Variants in SLC25A33 observed in about 807,000 individuals in gnomAD.
SLC25A33 encodes the protein solute carrier family 25 member 33, also known as bone marrow stromal cell mitochondrial carrier protein.
Under a neutral mutation model 35.5 loss-of-function variants are expected in SLC25A33, and 15 were observed. That is an observed-to-expected ratio of 0.42 (90% CI 0.28 to 0.65). The LOEUF is 0.65. Ranked by LOEUF, SLC25A33 falls within the 30% of genes least tolerant of loss-of-function variation. The pLI, the probability that SLC25A33 is intolerant of heterozygous loss-of-function variation, is 0.20. For synonymous variants in SLC25A33, 136 were observed against 148.7 expected, an observed-to-expected ratio of 0.91 and a Z score of 0.62; for missense variants, 257 against 398.5, an observed-to-expected ratio of 0.64 and a Z score of 3.02.
intron 6 of SLC25A33, among the ~76,000 whole-genome samples, chr1:9,580,827 C>T (rs1643732990): frequency 6.7e-6 from 1 of 149,628 alleles, no homozygotes; most frequent in African/African-American, 2.5e-5. Flanking sequence ...CTGCACTCCA[C>T]CCTGGCAACA....
At chr1:9,541,635 T>G (rs1428549454) in intron 1 of SLC25A33, among the ~76,000 whole-genome samples, 1 of 151,160 alleles carries the variant, frequency 6.6e-6, no homozygotes, top group Non-Finnish European at 1.5e-5. Context: ...ATTCTTAAAT[T>G]AAGCCACTCT....
At chr1:9,558,558 A>T (rs1643377824) in intron 2 of SLC25A33, among the ~76,000 whole-genome samples, 1 of 152,124 alleles carries the variant, frequency 6.6e-6, no homozygotes, top group Non-Finnish European at 1.5e-5. Context: ...AACTCCACAA[A>T]ACCTACTGCT....
chr1:9,541,755 T>C (rs1457031865), intron 1 of SLC25A33, among the ~76,000 whole-genome samples: 1 of 151,936 alleles, frequency 6.6e-6, no homozygotes, highest in East Asian at 1.9e-4. Context: ...AAAAAGGAAT[T>C]TCTGCTCAGT....
At chr1:9,561,748 T>G (rs996354919) in intron 2 of SLC25A33, among the ~76,000 whole-genome samples, 2 of 152,124 alleles carry the variant, frequency 1.3e-5, no homozygotes, top group Admixed American at 6.6e-5. Flanking sequence ...TAATTGTGTT[T>G]AAATGACTCC....
intron 5 of SLC25A33, chr1:9,576,340 A>G (rs1643660821): frequency 5.7e-6 from 2 of 348,534 alleles, no homozygotes; most frequent in Non-Finnish European, 5.6e-6. Flanking sequence ...GTTAAGAGAG[A>G]GAAGGTTGGG....
At chr1:9,559,282 G>A (rs560098001) in intron 2 of SLC25A33, among the ~76,000 whole-genome samples, 89 of 152,248 alleles carry the variant, frequency 5.8e-4, no homozygotes, top group Non-Finnish European at 1.1e-3. Flanking sequence ...CTTCTTTGGA[G>A]GTAGTGACTT....
At position 9,553,677 on chromosome 1, in the gene SLC25A33, GAC is replaced by G. The variant is rs1274882754; in HGVS notation, c.111_112del (p.Arg38ValfsTer22). On this transcript the variant is annotated frameshift_variant, in exon 2 of 7. Coordinates refer to ENST00000302692, the MANE Select transcript of SLC25A33 (RefSeq NM_032315.3). LOFTEE classifies it high-confidence loss of function. ...IFTCPLEVIK[T>X]RLQSSRLALR... is the part of the protein sequence containing the mutation. ...TCACTTGTCCACTAGAAGTCATTAAGACACGGTTGCAGTCTTCAAGATTAGCT... is the reference window on the plus strand; with the variant it reads ...TCACTTGTCCACTAGAAGTCATTAAGACGGTTGCAGTCTTCAAGATTAGCT... The G allele has an allele frequency of 6.2e-7, 1 of 1,614,108 alleles. No individual in the cohort carries two copies. The highest frequency in any genetic ancestry group is 8.5e-7 in the Non-Finnish European group (1 of 1,180,038).
chr1:9,579,697 T>A (rs1643711119), intron 5 of SLC25A33, among the ~76,000 whole-genome samples: 1 of 152,066 alleles, frequency 6.6e-6, no homozygotes, highest in Non-Finnish European at 1.5e-5. Flanking sequence ...GGGACTCTCA[T>A]GGAGTAAGAC....
chr1:9,568,589 C>T (rs769798655), intron 3 of SLC25A33, among the ~76,000 whole-genome samples: 3 of 152,156 alleles, frequency 2.0e-5, no homozygotes, highest in Admixed American at 1.3e-4. Flanking sequence ...CGGTGGCTCA[C>T]GCCTGTAATC....
rs1319410178 is a variant in SLC25A33, at chr1:9,578,972, A to G, written c.483-982A>G. Among the ~76,000 whole-genome samples the G allele has an allele frequency of 6.6e-6, 1 of 152,238 alleles. No individual in the cohort carries two copies. The highest frequency in any genetic ancestry group is 1.5e-5 in the Non-Finnish European group (1 of 68,044). Reference sequence around the variant, plus strand: ...CTTTCTAAAATTAGGTCAAATGCTAATGTTTTTATGAACATGTTTCTATGA... The same window carrying G: ...CTTTCTAAAATTAGGTCAAATGCTAGTGTTTTTATGAACATGTTTCTATGA... On this transcript the variant is annotated intron_variant, in intron 5 of 6. Transcript: ENST00000302692. This position sits in a 1 kb window ranked among gnomAD's most constrained non-coding sequence, Gnocchi z 4.3.
At chr1:9,562,828 G>A (rs1643443100) in intron 2 of SLC25A33, among the ~76,000 whole-genome samples, 1 of 149,442 alleles carries the variant, frequency 6.7e-6, no homozygotes, top group Admixed American at 6.6e-5. Flanking sequence ...ACTCCAGCCT[G>A]GGCAACAAGA....
chr1:9,579,110 A>G (rs1403174019), intron 5 of SLC25A33, among the ~76,000 whole-genome samples: 1 of 152,212 alleles, frequency 6.6e-6, no homozygotes, highest in Non-Finnish European at 1.5e-5. Flanking sequence ...GATATGTGGG[A>G]AAAACTCTCC....
At position 9,585,088 on chromosome 1, in the gene SLC25A33, T is replaced by G. The variant is rs183396168; in HGVS notation, c.*2587T>G. On this transcript the variant is annotated 3_prime_UTR_variant, in exon 7 of 7. Coordinates refer to ENST00000302692, the MANE Select transcript of SLC25A33 (RefSeq NM_032315.3). ...ATCCTCCTATATCCATATTAAAACC[T>G]GTTTTCCAAGATTGTGTCTAATATG... The G allele has an allele frequency of 3.3e-5, 5 of 152,384 alleles. No homozygotes were observed. Among genetic ancestry groups the G allele is most frequent in the Admixed American group, 3.3e-4 (5 of 15,306 alleles). The allele number at this position is 152,384 out of a possible 1,614,324, so 9.4% of individuals were successfully genotyped here.
chr1:9,572,453 TAC>T (rs1473007130), intron 4 of SLC25A33, among the ~76,000 whole-genome samples: 1 of 131,716 alleles, frequency 7.6e-6, no homozygotes, highest in African/African-American at 3.4e-5. Flanking sequence ...CTACTAAAAA[TAC>T]AAAAAAAAAA....
intron 6 of SLC25A33, among the ~76,000 whole-genome samples, chr1:9,580,794 T>C (rs1643732216): frequency 6.6e-6 from 1 of 150,514 alleles, no homozygotes; most frequent in African/African-American, 2.4e-5. Context: ...AGGTGGAGGT[T>C]GCAGTGAGCC....
At chr1:9,556,275 A>T in intron 2 of SLC25A33, 1 of 978,070 alleles carries the variant, frequency 1.0e-6, no homozygotes, top group Non-Finnish European at 1.2e-6. Flanking sequence ...TACTTCAGTA[A>T]CATTCAAAAT....
In SLC25A33 at chr1:9,539,630, T is replaced by A; in HGVS notation, c.-62T>A. On this transcript the variant is annotated 5_prime_UTR_variant, in exon 1 of 7. Coordinates refer to ENST00000302692, the MANE Select transcript of SLC25A33 (RefSeq NM_032315.3). ...AGACAAGACCCGGCGACCTCGCGCATCCCTCGAGCCGCCACGCGCTCTCGC... is the reference window on the plus strand; with the variant it reads ...AGACAAGACCCGGCGACCTCGCGCAACCCTCGAGCCGCCACGCGCTCTCGC... The A allele has an allele frequency of 7.9e-7, 1 of 1,268,598 alleles. No individual in the cohort carries two copies. The highest frequency in any genetic ancestry group is 1.6e-5 in the African/African-American group (1 of 62,954). 78.6% of individuals were successfully genotyped at this position (1,268,598 alleles called of 1,614,324 possible).
At chr1:9,541,904 A>G (rs536733250) in intron 1 of SLC25A33, among the ~76,000 whole-genome samples, 26 of 151,540 alleles carry the variant, frequency 1.7e-4, no homozygotes, top group Non-Finnish European at 3.5e-4. Flanking sequence ...GGTTCACGCC[A>G]TTCTCCCGCC....
At chr1:9,555,675 TTTTG>T (rs915220788) in intron 2 of SLC25A33, among the ~76,000 whole-genome samples, 9 of 151,666 alleles carry the variant, frequency 5.9e-5, no homozygotes, top group African/African-American at 1.5e-4. Flanking sequence ...AAATTGGGGT[TTTTG>T]TTTGTTTGTT....
Sources: allele counts gnomAD v4.1 joint callset (sites outside exome capture counted in the v4.1 genomes callset), GRCh38; gene constraint gnomAD v4.1.1; non-coding constraint Gnocchi (gnomAD v3.1); transcripts MANE v1.5; gene names NCBI Gene and HGNC (gene_info 2026-07-23, HGNC 2026-07-21).